The following CLASP1 variants were observed in gnomAD, a reference collection of about 807,000 sequenced individuals.
CLASP1 encodes cytoplasmic linker associated protein 1.
In CLASP1, 38 loss-of-function variants were observed where a neutral mutation model predicts 192.3. The ratio of observed to expected loss-of-function variants is 0.20; its 90% CI spans 0.15 to 0.26. The LOEUF is 0.26. Ranked by LOEUF, CLASP1 falls within the 10% of genes least tolerant of loss-of-function variation. The pLI, the probability that CLASP1 is intolerant of heterozygous loss-of-function variation, is 1.00. For synonymous variants in CLASP1, 691 were observed against 712.8 expected, an observed-to-expected ratio of 0.97 and a Z score of 0.49; for missense variants, 1,433 against 1,932.5, an observed-to-expected ratio of 0.74 and a Z score of 4.85.
Position 121,482,470 on chromosome 2 carries a change from G to T in CLASP1, c.713-12510C>A, listed in dbSNP as rs553524275. On this transcript the variant is annotated intron_variant, in intron 8 of 39. Transcript: ENST00000263710. ...CAGAGAAAAGAACTTACAGCGACAC[G>T]CCAAGAGTGACTAAGATCAGTCTTG... Among the ~76,000 whole-genome samples the T allele has an allele frequency of 9.2e-5, 14 of 152,208 alleles. 1 individual carries two copies. The highest frequency in any genetic ancestry group is 6.8e-3 in the Middle Eastern group (2 of 294).
At chr2:121,520,534 C>A (rs1251023150) in intron 6 of CLASP1, among the ~76,000 whole-genome samples, 1 of 152,230 alleles carries the variant, frequency 6.6e-6, no homozygotes, top group African/African-American at 2.4e-5. Context: ...TGAGCTCTGT[C>A]CAGCTGGAGA....
chr2:121,448,152 C>T, intron 18 of CLASP1, 124 bp downstream of exon 18: 2 of 790,124 alleles, frequency 2.5e-6, no homozygotes, highest in Admixed American at 4.1e-5. Context: ...GAGCAGGCAA[C>T]ATTCAAGCCT....
At chr2:121,416,093 T>C (rs531453180) in intron 23 of CLASP1, among the ~76,000 whole-genome samples, 3 of 152,340 alleles carry the variant, frequency 2.0e-5, no homozygotes, top group African/African-American at 7.2e-5. Flanking sequence ...TAGTTCAGAC[T>C]GAAATAGTTT....
In CLASP1 at chr2:121,628,090, T is replaced by A. The variant is rs1320637406; in HGVS notation, c.-286+21282A>T. On this transcript the variant is annotated intron_variant, in intron 1 of 39. Transcript: ENST00000263710. The stretch of plus-strand genomic sequence containing the variant: ...ACAAAAATTTGCTATATTTCTCAGA[T>A]AAGCTATATTAGGACACTGCTTTTA... 2.6e-5 allele frequency among the ~76,000 whole-genome samples: 4 copies of A among 152,308 alleles called. No homozygotes were observed. In the East Asian group the frequency reaches 7.7e-4, roughly 29 times the overall value.
chr2:121,486,317 C>T (rs1000266045), intron 8 of CLASP1, among the ~76,000 whole-genome samples: 3 of 152,142 alleles, frequency 2.0e-5, no homozygotes, highest in Non-Finnish European at 2.9e-5. Flanking sequence ...AAGTTTTAAG[C>T]AACACTAAGG....
At chr2:121,342,133 T>C (rs1558789486) in intron 39 of CLASP1, among the ~76,000 whole-genome samples, 1 of 152,106 alleles carries the variant, frequency 6.6e-6, no homozygotes, top group Non-Finnish European at 1.5e-5. Flanking sequence ...GAATTTTTTT[T>C]TTTTTTGAGA....
At chr2:121,432,214 T>C (rs2081557243) in intron 19 of CLASP1, among the ~76,000 whole-genome samples, 1 of 152,144 alleles carries the variant, frequency 6.6e-6, no homozygotes, top group African/African-American at 2.4e-5. Context: ...CCTCCTGGGA[T>C]CAAGCGATTC....
At chr2:121,474,247 T>A (rs571782865) in intron 8 of CLASP1, among the ~76,000 whole-genome samples, 205 of 152,256 alleles carry the variant, frequency 1.3e-3, no homozygotes, top group Non-Finnish European at 2.4e-3. Context: ...CACAAAACTA[T>A]ACAGGAAGTA....
At chr2:121,423,190 A>C (rs1258502108) in intron 22 of CLASP1, among the ~76,000 whole-genome samples, 1 of 152,062 alleles carries the variant, frequency 6.6e-6, no homozygotes, top group African/African-American at 2.4e-5. Flanking sequence ...ATCTTCTTTA[A>C]TATAAACTAT....
intron 1 of CLASP1, among the ~76,000 whole-genome samples, chr2:121,644,536 C>T (rs1381004072): frequency 1.3e-5 from 2 of 152,110 alleles, no homozygotes; most frequent in Non-Finnish European, 2.9e-5. Flanking sequence ...CGCCTGTAGT[C>T]CCAAGCTACT....
intron 25 of CLASP1, among the ~76,000 whole-genome samples, chr2:121,407,134 T>G (rs2077037544): frequency 6.6e-6 from 1 of 151,466 alleles, no homozygotes; most frequent in East Asian, 1.9e-4. Context: ...AAGAATCGCT[T>G]GAACCCAGGA....
At chr2:121,359,723 CTT>C (rs761695734) in intron 37 of CLASP1, among the ~76,000 whole-genome samples, 14 of 152,172 alleles carry the variant, frequency 9.2e-5, no homozygotes, top group Non-Finnish European at 1.6e-4. Flanking sequence ...ATGAAAGAGA[CTT>C]ACTCAAATAG....
chr2:121,515,914 C>T (rs962791777), intron 6 of CLASP1, among the ~76,000 whole-genome samples, 152 bp from the exon 7 acceptor site: 3 of 152,148 alleles, frequency 2.0e-5, no homozygotes, highest in African/African-American at 7.2e-5. Flanking sequence ...CTAGAGAAAG[C>T]CATGTTTTGA....
rs115822289 is a variant in CLASP1, at chr2:121,456,887, A to C, written c.1385+800T>G. 7.4e-4 allele frequency among the ~76,000 whole-genome samples: 112 copies of C among 152,312 alleles called. 2 individuals carry two copies. The highest frequency in any genetic ancestry group is 2.6e-3 in the African/African-American group (108 of 41,554). Reference sequence around the variant, plus strand: ...CCAAGCCTGCCAGTAATTATCCTATAAGACTCCCAATACAGTCTACTGGAA... The same window carrying C: ...CCAAGCCTGCCAGTAATTATCCTATCAGACTCCCAATACAGTCTACTGGAA... On this transcript the variant is annotated intron_variant, in intron 14 of 39. Transcript: ENST00000263710.
At chr2:121,563,317 A>T (rs2059249156) in intron 2 of CLASP1, among the ~76,000 whole-genome samples, 1 of 152,218 alleles carries the variant, frequency 6.6e-6, no homozygotes, top group Non-Finnish European at 1.5e-5. Context: ...TCTACATCAC[A>T]TTGAAAAAGG....
intron 19 of CLASP1, among the ~76,000 whole-genome samples, chr2:121,443,226 G>A (rs2083665815): frequency 6.6e-6 from 1 of 151,780 alleles, no homozygotes; most frequent in East Asian, 1.9e-4. Context: ...TTAGTCTCCT[G>A]GACAATAACT....
chr2:121,627,052 T>C (rs1463499451), intron 1 of CLASP1, among the ~76,000 whole-genome samples: 1 of 138,226 alleles, frequency 7.2e-6, no homozygotes, highest in African/African-American at 3.2e-5. Context: ...AACATTTAGT[T>C]CAGAGAGTTC....
intron 8 of CLASP1, among the ~76,000 whole-genome samples, chr2:121,481,605 TGTAACTTGGAA>T (rs1304482615): frequency 6.6e-6 from 1 of 152,234 alleles, no homozygotes; most frequent in Non-Finnish European, 1.5e-5. Flanking sequence ...CTCCATGCCC[TGTAACTTGGAA>T]GTTCAAGTCC....
intron 1 of CLASP1, among the ~76,000 whole-genome samples, chr2:121,643,496 T>C (rs989059502): frequency 9.2e-5 from 14 of 152,228 alleles, no homozygotes; most frequent in African/African-American, 3.1e-4. Flanking sequence ...TGCAAATTGA[T>C]AGGATCGTGA....
Sources: allele counts gnomAD v4.1 joint callset (sites outside exome capture counted in the v4.1 genomes callset), GRCh38; gene constraint gnomAD v4.1.1; transcripts MANE v1.5; gene names NCBI Gene and HGNC (gene_info 2026-07-23, HGNC 2026-07-21).